The following LTF variants were observed in gnomAD, a reference collection of about 807,000 sequenced individuals.
LTF encodes the protein epididymis luminal protein 110.
LTF carries 91 observed loss-of-function variants against 87.2 expected under a neutral mutation model. The observed-to-expected ratio is 1.04, with a 90% CI of 0.88 to 1.24. The LOEUF (loss-of-function observed/expected upper bound fraction) is 1.24, where lower values mean the gene tolerates loss of function less well. LTF is among the 50% of genes most tolerant of loss of function. The probability of loss-of-function intolerance (pLI) is 0.00; values close to 1 mark genes in which losing one functional copy is unlikely to be tolerated. For synonymous variants in LTF, 378 were observed against 356.1 expected (o/e 1.06, Z -0.69); for missense variants, 901 against 904.3 (o/e 1.00, Z 0.05).
chr3:46,436,453 G>A (rs1702388911), intron 16 of LTF, among the ~76,000 whole-genome samples: 1 of 152,162 alleles, frequency 6.6e-6, no homozygotes, highest in African/African-American at 2.4e-5. Context: ...TCCCTGCTCT[G>A]GCCTGAGAGA....
At position 46,464,901 on chromosome 3, in the gene LTF, G is replaced by A; in HGVS notation, c.-34C>T. 1 of 1,611,714 alleles carries A rather than the reference G, an allele frequency of 6.2e-7. No individual in the cohort carries two copies. Among genetic ancestry groups the A allele is most frequent in the Non-Finnish European group, 8.5e-7 (1 of 1,178,068 alleles). On this transcript the variant is annotated 5_prime_UTR_variant, in exon 1 of 17. Coordinates refer to ENST00000231751, the MANE Select transcript of LTF (RefSeq NM_002343.6). ...TCTGGAGGCGACTTGGCAAACGAAG[G>A]CTCTGCCACTTGCGCCTGCCCTGCG...
intron 12 of LTF, among the ~76,000 whole-genome samples, 162 bp downstream of exon 12, chr3:46,445,119 C>T (rs976601955): frequency 6.6e-6 from 1 of 152,156 alleles, no homozygotes; most frequent in Admixed American, 6.5e-5. Flanking sequence ...AGTGCACCCA[C>T]GCCTCCAGGG....
intron 1 of LTF, among the ~76,000 whole-genome samples, chr3:46,472,488 T>TTGTGTGTGTGTGTGTG (rs34825595): frequency 4.8e-4 from 51 of 106,924 alleles, no homozygotes; most frequent in East Asian, 1.1e-3. Context: ...GAAAAGATTA[T>TTGTGTGTGTGTGTGTG]TGTGTGTGTG....
intron 1 of LTF, among the ~76,000 whole-genome samples, chr3:46,474,580 A>G: frequency 6.6e-6 from 1 of 152,226 alleles, no homozygotes; most frequent in East Asian, 1.9e-4. Context: ...GAAGAATTCA[A>G]CAACACCATC....
chr3:46,480,469 C>A (rs1388053028), intron 1 of LTF, among the ~76,000 whole-genome samples: 1 of 152,220 alleles, frequency 6.6e-6, no homozygotes, highest in Non-Finnish European at 1.5e-5. Flanking sequence ...TGCCTTATTT[C>A]ATGCACGTTG....
chr3:46,446,375 T>C (rs1282761005), intron 11 of LTF, 65 bp downstream of exon 11: 29 of 1,375,548 alleles, frequency 2.1e-5, no homozygotes, highest in Non-Finnish European at 2.8e-5. Flanking sequence ...TTACAGTTCC[T>C]GCCACTTCCT....
chr3:46,473,176 A>G (rs1036422264), intron 1 of LTF, among the ~76,000 whole-genome samples: 1 of 152,102 alleles, frequency 6.6e-6, no homozygotes, highest in African/African-American at 2.4e-5. Flanking sequence ...AAACTTTCAG[A>G]ATCACAGAGC....
intron 1 of LTF, among the ~76,000 whole-genome samples, chr3:46,482,703 G>GA (rs1703462442): frequency 5.4e-5 from 5 of 92,710 alleles, no homozygotes; most frequent in African/African-American, 1.7e-4. Context: ...AAGGAAGGAA[G>GA]GAAAGAAAGA....
chr3:46,442,188 G>T (rs141431498), intron 13 of LTF, among the ~76,000 whole-genome samples: 1 of 152,174 alleles, frequency 6.6e-6, no homozygotes, highest in Non-Finnish European at 1.5e-5. Context: ...TGACATTAGC[G>T]TGTTGGGTGC....
At chr3:46,444,787 G>A (rs913700509) in intron 12 of LTF, among the ~76,000 whole-genome samples, 2 of 152,212 alleles carry the variant, frequency 1.3e-5, no homozygotes, top group Admixed American at 6.5e-5. Flanking sequence ...TGAGTGTGGG[G>A]TGTGGTGGGG....
chr3:46,448,900 G>C lies in LTF; in HGVS notation c.1175C>G (p.Ser392Trp). The C allele has an allele frequency of 6.2e-7, 1 of 1,613,526 alleles. No homozygotes were observed. The highest frequency in any genetic ancestry group is 8.5e-7 in the Non-Finnish European group (1 of 1,179,844). Residue 392 changes from serine to tryptophan, a missense_variant, in exon 9 of 17, where the codon TCG (serine) becomes TGG (tryptophan). Coordinates refer to ENST00000231751, the MANE Select transcript of LTF (RefSeq NM_002343.6). ...GATGCAGTCCTCTGTGGTGGAGGCCGAGGAGCAGGTCACGCTGCCTTCGCT... is the reference window on the plus strand; with the variant it reads ...GATGCAGTCCTCTGTGGTGGAGGCCCAGGAGCAGGTCACGCTGCCTTCGCT... The part of the protein sequence containing the change: ...GLSEGSVTCS[S>W]ASTTEDCIAL...
chr3:46,457,151 C>G (rs1365174293), intron 2 of LTF, among the ~76,000 whole-genome samples: 1 of 152,226 alleles, frequency 6.6e-6, no homozygotes, highest in Non-Finnish European at 1.5e-5. Flanking sequence ...TAGTTCCTAA[C>G]AGGCCATCAA....
chr3:46,475,496 T>G (rs1703348363), intron 1 of LTF, among the ~76,000 whole-genome samples: 1 of 147,600 alleles, frequency 6.8e-6, no homozygotes, highest in Non-Finnish European at 1.5e-5. Flanking sequence ...GTCAGTCACT[T>G]TCATCTGCTC....
chr3:46,467,293 GC>G (rs1185116244), upstream of LTF, among the ~76,000 whole-genome samples: 1 of 152,112 alleles, frequency 6.6e-6, no homozygotes, highest in Non-Finnish European at 1.5e-5. Flanking sequence ...GTCTGTCCTT[GC>G]CCTCAGGAGC....
At chr3:46,449,763 GA>G in intron 8 of LTF, 90 bp downstream of exon 8, 4 of 1,374,016 alleles carry the variant, frequency 2.9e-6, no homozygotes, top group Non-Finnish European at 4.0e-6. Flanking sequence ...CAGTGTCTGG[GA>G]AAAGGAGTGA....
At chr3:46,462,131 A>G (rs1401937981) in intron 1 of LTF, among the ~76,000 whole-genome samples, 1 of 152,222 alleles carries the variant, frequency 6.6e-6, no homozygotes, top group Non-Finnish European at 1.5e-5. Context: ...AATTAACCCA[A>G]TCAGATGCAG....
chr3:46,452,992 T>A (rs1702839849), intron 6 of LTF, among the ~76,000 whole-genome samples: 1 of 152,220 alleles, frequency 6.6e-6, no homozygotes, highest in South Asian at 2.1e-4. Flanking sequence ...TTTGACCTTA[T>A]CAATATCAAG....
intron 1 of LTF, among the ~76,000 whole-genome samples, chr3:46,475,515 AACACACACACACACAC>A (rs59984149): frequency 0.058 from 7,619 of 131,060 alleles, 743 homozygotes; most frequent in African/African-American, 0.2. Context: ...TCTCCCCCTA[AACACACACACACACAC>A]ACACACACAC....
intron 2 of LTF, among the ~76,000 whole-genome samples, chr3:46,459,171 C>A (rs964904450): frequency 6.6e-6 from 1 of 152,192 alleles, no homozygotes. Context: ...AGTCATGATA[C>A]CCTTTTCTCT....
Sources: allele counts gnomAD v4.1 joint callset (sites outside exome capture counted in the v4.1 genomes callset), GRCh38; gene constraint gnomAD v4.1.1; transcripts MANE v1.5; gene names NCBI Gene and HGNC (gene_info 2026-07-23, HGNC 2026-07-21).